The following SIPA1L2 variants were observed in gnomAD, a reference collection of about 807,000 sequenced individuals.
The protein encoded by SIPA1L2 is signal induced proliferation associated 1 like 2.
In SIPA1L2, 56 loss-of-function variants were observed where a neutral mutation model predicts 163.9. That is an observed-to-expected ratio of 0.34 (90% confidence interval 0.28 to 0.43). SIPA1L2 has a LOEUF of 0.43. Among genes scored for constraint, SIPA1L2 ranks in the 20% least tolerant of loss-of-function variants. SIPA1L2 has a pLI of 1.00. For synonymous variants in SIPA1L2, 877 were observed against 865.7 expected (o/e 1.01, Z -0.23); for missense variants, 1,974 against 2,193.5 (o/e 0.90, Z 2.00).
chr1:232,623,261 C>T (rs960511001), intron 1 of SIPA1L2, among the ~76,000 whole-genome samples: 1 of 152,196 alleles, frequency 6.6e-6, no homozygotes, highest in Non-Finnish European at 1.5e-5. Context: ...TTAACATACC[C>T]TGATCCTGGG....
intron 2 of SIPA1L2, among the ~76,000 whole-genome samples, chr1:232,527,307 C>G (rs913032096): frequency 2.6e-5 from 4 of 152,180 alleles, no homozygotes; most frequent in African/African-American, 9.7e-5. Context: ...TCATTGGATT[C>G]TTCAGAAAAC....
chr1:232,618,585 C>T (rs111403514), intron 1 of SIPA1L2, among the ~76,000 whole-genome samples: 6,833 of 149,766 alleles, frequency 0.046, 218 homozygotes, highest in East Asian at 0.14. Flanking sequence ...ACCCAAGAGT[C>T]GGAGGTTGCA....
Position 232,403,350 on chromosome 1 carries a change from T to C in SIPA1L2, c.4940+98A>G, listed in dbSNP as rs1660456307. On this transcript the variant is annotated intron_variant, in intron 21 of 22. Transcript: ENST00000674635. ...AGGACTGGGAAAGGGCATGGTGCAATATGGTCGCCCGCCTGGCTCAGGGTT... is the reference window on the plus strand; with the variant it reads ...AGGACTGGGAAAGGGCATGGTGCAACATGGTCGCCCGCCTGGCTCAGGGTT... The C allele has an allele frequency of 1.2e-5, 17 of 1,475,728 alleles. No homozygotes were observed. In the South Asian group the frequency reaches 1.7e-4, roughly 15 times the overall value. The allele number at this position is 1,475,728 out of a possible 1,614,324, so 91.4% of individuals were successfully genotyped here.
At chr1:232,431,918 C>T (rs568454893) in intron 16 of SIPA1L2, among the ~76,000 whole-genome samples, 8 of 152,184 alleles carry the variant, frequency 5.3e-5, no homozygotes, top group Admixed American at 3.3e-4. Context: ...ACACACAGGA[C>T]TCTGTGGGAA....
At chr1:232,608,639 G>A (rs1323044787) in intron 1 of SIPA1L2, among the ~76,000 whole-genome samples, 4 of 152,064 alleles carry the variant, frequency 2.6e-5, no homozygotes, top group Non-Finnish European at 4.4e-5. Context: ...CAAGTTACTC[G>A]AGTTACTAAA....
intron 19 of SIPA1L2, among the ~76,000 whole-genome samples, chr1:232,408,896 G>C (rs563501482): frequency 6.6e-6 from 1 of 152,066 alleles, no homozygotes; most frequent in South Asian, 2.1e-4. Context: ...ATTACATTCT[G>C]TATGTTCTCT....
At chr1:232,425,507 A>C in intron 18 of SIPA1L2, 82 bp downstream of exon 18, 1 of 1,068,952 alleles carries the variant, frequency 9.4e-7, no homozygotes, top group Non-Finnish European at 1.3e-6. Context: ...AAATCACTCC[A>C]CCCTCAGAGC....
chr1:232,425,710 A>G lies in SIPA1L2; in HGVS notation c.4509T>C (p.Ser1503=), dbSNP rs1661855807. The change falls in exon 18 of 23, where the codon AGT becomes AGC. Residue 1503 remains serine, a synonymous_variant. Coordinates refer to ENST00000674635, the MANE Select transcript of SIPA1L2 (RefSeq NM_020808.5). ...CSNRRGSSFG[S]SRSSVLDQAL... ...CCTGGTCAAGCACGGAACTCCGGGAACTGCCAAAGGAGGACCCCCTCCTGT... is the reference window on the plus strand; with the variant it reads ...CCTGGTCAAGCACGGAACTCCGGGAGCTGCCAAAGGAGGACCCCCTCCTGT... 1.9e-6 allele frequency: 3 copies of G among 1,613,972 alleles called. No individual in the cohort carries two copies. The highest frequency in any genetic ancestry group is 1.7e-6 in the Non-Finnish European group (2 of 1,180,018).
intron 21 of SIPA1L2, 56 bp downstream of exon 21, chr1:232,403,392 C>A (rs1448628813): frequency 6.3e-7 from 1 of 1,584,904 alleles, no homozygotes; most frequent in African/African-American, 1.3e-5. Context: ...TTAGCCGAAT[C>A]TTGGCTAATC....
chr1:232,563,148 TGTG>T (rs1558270086), intron 2 of SIPA1L2, among the ~76,000 whole-genome samples: 1 of 152,192 alleles, frequency 6.6e-6, no homozygotes, highest in African/African-American at 2.4e-5. Context: ...AAACCTATTG[TGTG>T]GTGTAGTGCC....
chr1:232,601,380 G>A (rs889873028), intron 1 of SIPA1L2, among the ~76,000 whole-genome samples: 3 of 152,122 alleles, frequency 2.0e-5, no homozygotes, highest in East Asian at 1.9e-4. Flanking sequence ...GAAAACAGAC[G>A]GGCATTCCTG....
intron 1 of SIPA1L2, among the ~76,000 whole-genome samples, chr1:232,620,238 A>G (rs1015426950): frequency 1.3e-5 from 2 of 152,160 alleles, no homozygotes; most frequent in Admixed American, 1.3e-4. Flanking sequence ...AAAAAGGAAG[A>G]AGATAAAAGT....
intron 19 of SIPA1L2, among the ~76,000 whole-genome samples, chr1:232,409,923 T>C (rs1437938033): frequency 6.6e-6 from 1 of 152,222 alleles, no homozygotes; most frequent in African/African-American, 2.4e-5. Flanking sequence ...AATAACACTT[T>C]GAAATTATAC....
chr1:232,622,725 T>C (rs1482751529), intron 1 of SIPA1L2, among the ~76,000 whole-genome samples: 1 of 152,216 alleles, frequency 6.6e-6, no homozygotes, highest in Non-Finnish European at 1.5e-5. Flanking sequence ...TTCCACATTT[T>C]TACCAGTTCC....
intron 15 of SIPA1L2, among the ~76,000 whole-genome samples, chr1:232,434,311 T>G (rs1385925064): frequency 6.6e-6 from 1 of 152,152 alleles, no homozygotes; most frequent in East Asian, 1.9e-4. Context: ...ACGGACCCAT[T>G]TTCAGGGTCT....
At chr1:232,484,359 A>G (rs563178321) in intron 5 of SIPA1L2, among the ~76,000 whole-genome samples, 1 of 152,320 alleles carries the variant, frequency 6.6e-6, no homozygotes, top group South Asian at 2.1e-4. Context: ...AAAGGCTACA[A>G]ACCTTTAAGT....
chr1:232,624,760 C>A (rs1286758160), intron 1 of SIPA1L2, among the ~76,000 whole-genome samples: 3 of 152,140 alleles, frequency 2.0e-5, no homozygotes, highest in Non-Finnish European at 4.4e-5. Context: ...TCAAGACACC[C>A]CTTTTGGCTA....
chr1:232,425,051 C>T (rs1033266523), intron 18 of SIPA1L2, among the ~76,000 whole-genome samples: 2 of 152,050 alleles, frequency 1.3e-5, no homozygotes, highest in Admixed American at 6.6e-5. Flanking sequence ...TTGAAATAAG[C>T]GGGGACACAA....
intron 2 of SIPA1L2, among the ~76,000 whole-genome samples, 101 bp downstream of exon 2, chr1:232,574,072 GA>G (rs1659949968): frequency 6.6e-6 from 1 of 152,178 alleles, no homozygotes; most frequent in Admixed American, 6.5e-5. Flanking sequence ...TCAGCCTAGG[GA>G]AACCAAAACA....
Sources: gnomAD v4.1 joint callset for allele counts (sites outside exome capture counted in the v4.1 genomes callset) on GRCh38, gnomAD v4.1.1 for gene constraint, MANE v1.5 for transcripts, NCBI Gene and HGNC (gene_info 2026-07-23, HGNC 2026-07-21) for gene names.